Variants in TADA2A observed in about 807,000 individuals in gnomAD.
TADA2A encodes transcriptional adapter 2-alpha.
Under a neutral mutation model 67.4 loss-of-function variants are expected in TADA2A, and 38 were observed. The observed-to-expected ratio is 0.56, with a 90% CI of 0.44 to 0.74. The LOEUF (loss-of-function observed/expected upper bound fraction) is 0.74. Ranked by LOEUF, TADA2A falls within the 30% of genes least tolerant of loss-of-function variation. The pLI, the probability that TADA2A is intolerant of heterozygous loss-of-function variation, is 0.00. For missense variants in TADA2A, 454 were observed against 547.0 expected, an observed-to-expected ratio of 0.83 and a Z score of 1.70; for synonymous variants, 192 against 181.6, an observed-to-expected ratio of 1.06 and a Z score of -0.46.
Position 37,438,898 on chromosome 17 carries a change from TGGCAGTGAGTG to T in TADA2A, c.284+1073_284+1083del, listed in dbSNP as rs3838593. ...TCCGCTGTGGGTAAGGCACTAAGTT[TGGCAGTGAGTG>T]GGCTAGAGCTAAGAATTATGAGATG... On this transcript the variant is annotated intron_variant, in intron 5 of 15. Coordinates refer to ENST00000615182, the MANE Select transcript of TADA2A (RefSeq NM_001166105.3). Among the ~76,000 whole-genome samples the T allele has an allele frequency of 2.5e-3, 388 of 152,318 alleles. 6 individuals carry two copies. Among genetic ancestry groups the T allele is most frequent in the East Asian group, 0.017 (90 of 5,186 alleles).
chr17:37,432,925 A>ATTTTTTTTT (rs1046006991), intron 4 of TADA2A, among the ~76,000 whole-genome samples: 5 of 52,208 alleles, frequency 9.6e-5, no homozygotes, highest in South Asian at 1.0e-3. Context: ...TGGTATTACA[A>ATTTTTTTTT]TTTTTTTTTT....
intron 9 of TADA2A, 57 bp downstream of exon 9, chr17:37,458,644 T>C: frequency 1.1e-6 from 1 of 947,640 alleles, no homozygotes; most frequent in Non-Finnish European, 1.5e-6. Flanking sequence ...GTTTTGTGTG[T>C]GTGTGTGTGT....
intron 3 of TADA2A, among the ~76,000 whole-genome samples, chr17:37,425,741 C>G (rs1303870304): frequency 6.6e-6 from 1 of 151,316 alleles, no homozygotes; most frequent in Non-Finnish European, 1.5e-5. Context: ...CTCTATCTTC[C>G]AGGCTTAAGT....
chr17:37,455,881 G>T (rs1032129260), intron 8 of TADA2A, among the ~76,000 whole-genome samples: 1 of 151,782 alleles, frequency 6.6e-6, no homozygotes, highest in Non-Finnish European at 1.5e-5. Flanking sequence ...TGTATGCATG[G>T]TGTATAGGGC....
intron 10 of TADA2A, among the ~76,000 whole-genome samples, chr17:37,462,363 T>G (rs2053564976): frequency 6.6e-6 from 1 of 152,078 alleles, no homozygotes; most frequent in South Asian, 2.1e-4. Flanking sequence ...GCGCGGTGGC[T>G]CTTGCCTGTA....
At chr17:37,434,470 C>G (rs758152255) in intron 4 of TADA2A, among the ~76,000 whole-genome samples, 1 of 152,128 alleles carries the variant, frequency 6.6e-6, no homozygotes, top group Non-Finnish European at 1.5e-5. Flanking sequence ...TCTTATTATT[C>G]GTTTGATTTT....
At chr17:37,465,711 G>A in intron 11 of TADA2A, 170 bp downstream of exon 11, 4 of 1,251,738 alleles carry the variant, frequency 3.2e-6, no homozygotes, top group Non-Finnish European at 4.3e-6. Flanking sequence ...TGGCAGAAGA[G>A]AGGTTAAAAA....
intron 7 of TADA2A, among the ~76,000 whole-genome samples, chr17:37,444,001 G>T (rs2053001036): frequency 6.6e-6 from 1 of 152,130 alleles, no homozygotes; most frequent in South Asian, 2.1e-4. Flanking sequence ...ACTTTGGGAG[G>T]CTGAGGCAGG....
chr17:37,439,338 A>G (rs934710842), intron 5 of TADA2A, among the ~76,000 whole-genome samples: 6 of 152,106 alleles, frequency 3.9e-5, no homozygotes, highest in African/African-American at 9.7e-5. Flanking sequence ...GGTGGAGTAC[A>G]GGGGCATGAG....
intron 5 of TADA2A, 178 bp downstream of exon 5, chr17:37,438,007 A>G: frequency 4.9e-6 from 3 of 612,842 alleles, no homozygotes; most frequent in Non-Finnish European, 8.6e-6. Flanking sequence ...GAAATGTGTC[A>G]CGAGGATATG....
chr17:37,434,572 A>G (rs2052665723), intron 4 of TADA2A, among the ~76,000 whole-genome samples: 1 of 152,328 alleles, frequency 6.6e-6, no homozygotes, highest in African/African-American at 2.4e-5. Flanking sequence ...CCTATAAATT[A>G]GTAGTTACAT....
chr17:37,440,093 A>G (rs1010920008), intron 5 of TADA2A, among the ~76,000 whole-genome samples: 6 of 151,550 alleles, frequency 4.0e-5, no homozygotes, highest in African/African-American at 1.5e-4. Context: ...ACAGGCATGC[A>G]TGCACCACCA....
chr17:37,458,164 G>A (rs1057044805), intron 8 of TADA2A, among the ~76,000 whole-genome samples: 1 of 152,126 alleles, frequency 6.6e-6, no homozygotes, highest in Non-Finnish European at 1.5e-5. Flanking sequence ...GCTTATAAGT[G>A]AGAACATGTG....
intron 8 of TADA2A, among the ~76,000 whole-genome samples, chr17:37,456,909 C>T (rs1031167029): frequency 1.3e-5 from 2 of 152,188 alleles, no homozygotes; most frequent in Admixed American, 6.5e-5. Context: ...TTTACAGCCT[C>T]TTTCCTCCTT....
chr17:37,425,490 A>AG (rs1224191513), intron 3 of TADA2A, among the ~76,000 whole-genome samples: 1 of 152,226 alleles, frequency 6.6e-6, no homozygotes, highest in East Asian at 1.9e-4. Flanking sequence ...AGAGAGGTTA[A>AG]GTAACTTGTT....
intron 8 of TADA2A, among the ~76,000 whole-genome samples, chr17:37,451,826 A>G (rs1173470072): frequency 6.6e-6 from 1 of 151,896 alleles, no homozygotes; most frequent in Non-Finnish European, 1.5e-5. Context: ...TCTACTAAAA[A>G]TACAAAAATT....
intron 4 of TADA2A, among the ~76,000 whole-genome samples, chr17:37,430,438 G>T (rs939794999): frequency 2.0e-5 from 3 of 152,128 alleles, no homozygotes; most frequent in African/African-American, 7.2e-5. Context: ...CTTTTGTCAT[G>T]TCACAGAGCT....
chr17:37,474,557 T>C lies in TADA2A; in HGVS notation c.1074T>C (p.Gly358=). 2 of 1,613,380 alleles carry C rather than the reference T, an allele frequency of 1.2e-6. No homozygotes were observed. The highest frequency in any genetic ancestry group is 1.7e-6 in the Non-Finnish European group (2 of 1,179,782). ...GCTGTTTCCTTTCTCTGTCTATAGG[T>C]AGACGGAGTGCACCACCCTTGAACC... is the stretch of plus-strand genomic sequence containing the variant. ...SPSIPMASNS[G]RRSAPPLNLT... is the part of the protein sequence containing the mutation. The change falls in exon 15 of 16, where the codon GGT becomes GGC. Residue 358 remains glycine (G), a splice_region_variant and synonymous_variant. Transcript: ENST00000615182.
chr17:37,417,002 C>A (rs1317876828), intron 2 of TADA2A, among the ~76,000 whole-genome samples: 1 of 151,964 alleles, frequency 6.6e-6, no homozygotes, highest in Non-Finnish European at 1.5e-5. Context: ...CTCTGTGTAT[C>A]AAAAACCTAA....
Sources: allele counts gnomAD v4.1 joint callset (sites outside exome capture counted in the v4.1 genomes callset), GRCh38; gene constraint gnomAD v4.1.1; transcripts MANE v1.5; gene names NCBI Gene and HGNC (gene_info 2026-07-23, HGNC 2026-07-21).